Variants in DLG2 observed in about 807,000 individuals in gnomAD.
DLG2 encodes the protein discs large MAGUK scaffold protein 2.
DLG2 carries 45 observed loss-of-function variants against 132.5 expected under a neutral mutation model. The ratio of observed to expected loss-of-function variants is 0.34; its 90% CI spans 0.27 to 0.44. DLG2 has a LOEUF of 0.44. Among genes scored for constraint, DLG2 ranks in the 20% least tolerant of loss-of-function variants. The pLI is 1.00. For synonymous variants in DLG2, 424 were observed against 419.6 expected (o/e 1.01, Z -0.13); for missense variants, 1,045 against 1,196.9 (o/e 0.87, Z 1.87).
intron 7 of DLG2, among the ~76,000 whole-genome samples, chr11:84,381,875 C>T (rs982890721): frequency 6.6e-5 from 10 of 152,252 alleles, no homozygotes; most frequent in African/African-American, 2.4e-4. Flanking sequence ...TATCTGCCTC[C>T]TGTAAGGGGG....
chr11:85,210,371 C>G (rs1463363723), intron 4 of DLG2, among the ~76,000 whole-genome samples: 1 of 152,092 alleles, frequency 6.6e-6, no homozygotes, highest in East Asian at 1.9e-4. Context: ...CCCTCAGAGC[C>G]TTTGTATTGT....
At chr11:85,609,258 TAC>T (rs2080816773) in intron 2 of DLG2, among the ~76,000 whole-genome samples, 2 of 152,268 alleles carry the variant, frequency 1.3e-5, no homozygotes, top group South Asian at 4.1e-4. Context: ...TTCTAAAAGA[TAC>T]ATTTATTACC....
At chr11:84,619,546 A>G (rs2099610292) in intron 6 of DLG2, among the ~76,000 whole-genome samples, 1 of 151,650 alleles carries the variant, frequency 6.6e-6, no homozygotes, top group South Asian at 2.1e-4. Flanking sequence ...AAAAAAAGAG[A>G]AAATGACAAC....
At chr11:83,489,047 C>A (rs2093690249) in intron 21 of DLG2, among the ~76,000 whole-genome samples, 1 of 151,944 alleles carries the variant, frequency 6.6e-6, no homozygotes, top group Non-Finnish European at 1.5e-5. Flanking sequence ...CTTCTGCAAA[C>A]CTAATGAACT....
At chr11:83,538,177 C>T (rs2095946596) in intron 20 of DLG2, among the ~76,000 whole-genome samples, 1 of 152,148 alleles carries the variant, frequency 6.6e-6, no homozygotes, top group Non-Finnish European at 1.5e-5. Flanking sequence ...ATAACGCTGC[C>T]CATAATGTCA....
At chr11:84,415,315 C>G (rs1034790749) in intron 7 of DLG2, among the ~76,000 whole-genome samples, 1 of 152,056 alleles carries the variant, frequency 6.6e-6, no homozygotes, top group African/African-American at 2.4e-5. Flanking sequence ...ATGCAAAATC[C>G]ACAGACACCA....
intron 7 of DLG2, among the ~76,000 whole-genome samples, chr11:84,524,937 T>C (rs1253325353): frequency 6.6e-6 from 1 of 151,908 alleles, no homozygotes; most frequent in Admixed American, 6.6e-5. Flanking sequence ...GTAGAGGAAC[T>C]ACAAATTTCT....
chr11:85,269,961 T>C (rs2077425413), intron 4 of DLG2, among the ~76,000 whole-genome samples: 3 of 152,258 alleles, frequency 2.0e-5, no homozygotes, highest in South Asian at 4.1e-4. Context: ...GAACACTTAA[T>C]ATATGTAAAG....
intron 19 of DLG2, among the ~76,000 whole-genome samples, chr11:83,592,479 C>T (rs1467569872): frequency 6.7e-6 from 1 of 149,782 alleles, no homozygotes. Context: ...TTACACCTTA[C>T]ACAAAAATCA....
intron 8 of DLG2, among the ~76,000 whole-genome samples, chr11:84,221,415 G>C (rs933520559): frequency 1.2e-4 from 19 of 152,152 alleles, no homozygotes; most frequent in African/African-American, 4.3e-4. Context: ...GGTGAGCTGA[G>C]ATCGCACCAC....
intron 10 of DLG2, among the ~76,000 whole-genome samples, chr11:84,064,620 A>T (rs114119300): frequency 0.015 from 2,322 of 152,320 alleles, 56 homozygotes; most frequent in African/African-American, 0.053. Flanking sequence ...CCTGAAAAAC[A>T]GTAAGCATCA....
chr11:85,461,956 G>GA (rs1339390181), intron 3 of DLG2, among the ~76,000 whole-genome samples: 1 of 151,956 alleles, frequency 6.6e-6, no homozygotes. Context: ...AAATTTACAA[G>GA]AAAAAAACAC....
chr11:83,670,675 G>A (rs1362405599), intron 18 of DLG2, among the ~76,000 whole-genome samples: 1 of 151,840 alleles, frequency 6.6e-6, no homozygotes, highest in Non-Finnish European at 1.5e-5. Flanking sequence ...GTTCTCTTGG[G>A]AACATCATGA....
chr11:84,886,986 A>G (rs2088440348), intron 6 of DLG2, among the ~76,000 whole-genome samples: 1 of 152,150 alleles, frequency 6.6e-6, no homozygotes, highest in South Asian at 2.1e-4. Flanking sequence ...ATATCAAACA[A>G]TCACAAGAAT....
intron 3 of DLG2, among the ~76,000 whole-genome samples, chr11:85,553,026 T>C (rs1336855792): frequency 5.3e-5 from 8 of 151,754 alleles, no homozygotes; most frequent in African/African-American, 1.9e-4. Context: ...AGAGAAATGA[T>C]ACATTGAATG....
intron 7 of DLG2, among the ~76,000 whole-genome samples, chr11:84,441,986 T>C (rs565479710): frequency 1.9e-4 from 29 of 152,332 alleles, no homozygotes; most frequent in African/African-American, 7.0e-4. Context: ...TATATCTGTT[T>C]TGGTACCAGT....
At chr11:84,638,280 G>C (rs932559631) in intron 6 of DLG2, among the ~76,000 whole-genome samples, 2 of 152,186 alleles carry the variant, frequency 1.3e-5, no homozygotes, top group East Asian at 1.9e-4. Flanking sequence ...AAGGTGAAGA[G>C]GAAATATAAA....
intron 6 of DLG2, among the ~76,000 whole-genome samples, chr11:84,912,639 G>A (rs2092178326): frequency 6.6e-6 from 1 of 152,208 alleles, no homozygotes; most frequent in Non-Finnish European, 1.5e-5. Flanking sequence ...AGACTACTTT[G>A]TAAATGGAGA....
chr11:83,871,684 A>T (rs1367269193), intron 16 of DLG2, among the ~76,000 whole-genome samples: 1 of 150,734 alleles, frequency 6.6e-6, no homozygotes. Context: ...GTATAGCACA[A>T]ATTTTTGTGT....
Sources: allele counts gnomAD v4.1 joint callset (sites outside exome capture counted in the v4.1 genomes callset), GRCh38; gene constraint gnomAD v4.1.1; transcripts MANE v1.5; gene names NCBI Gene and HGNC (gene_info 2026-07-23, HGNC 2026-07-21).